The following KCNH1 variants were observed in gnomAD, a reference collection of about 807,000 sequenced individuals.
KCNH1 encodes the protein potassium voltage-gated channel subfamily H member 1.
In KCNH1, 27 loss-of-function variants were observed where a neutral mutation model predicts 69.2. The ratio of observed to expected loss-of-function variants is 0.39; its 90% CI spans 0.29 to 0.54. The LOEUF (loss-of-function observed/expected upper bound fraction) is 0.54. KCNH1 is among the 20% of genes least tolerant of loss of function. The pLI, the probability that KCNH1 is intolerant of heterozygous loss-of-function variation, is 0.68. For synonymous variants in KCNH1, 456 were observed against 487.7 expected, an observed-to-expected ratio of 0.93 and a Z score of 0.86; for missense variants, 798 against 1,261.6, an observed-to-expected ratio of 0.63 and a Z score of 5.57.
At chr1:211,106,488 A>C (rs1691349864) in intron 2 of KCNH1, among the ~76,000 whole-genome samples, 1 of 152,082 alleles carries the variant, frequency 6.6e-6, no homozygotes, top group Non-Finnish European at 1.5e-5. Context: ...TTCTGAAGTA[A>C]AAAACTTTGG....
intron 1 of KCNH1, among the ~76,000 whole-genome samples, chr1:211,128,629 A>G (rs1691826337): frequency 6.6e-6 from 1 of 152,176 alleles, no homozygotes; most frequent in Admixed American, 6.5e-5. Flanking sequence ...GGCATACAGT[A>G]TCACTTTATA....
chr1:210,960,991 T>C (rs1688281495), intron 6 of KCNH1, among the ~76,000 whole-genome samples: 1 of 152,200 alleles, frequency 6.6e-6, no homozygotes, highest in Non-Finnish European at 1.5e-5. Context: ...TGATAACTAA[T>C]TGATGCTGAG....
intron 1 of KCNH1, among the ~76,000 whole-genome samples, chr1:211,113,717 G>A (rs1447828897): frequency 1.3e-5 from 2 of 152,140 alleles, no homozygotes; most frequent in Non-Finnish European, 2.9e-5. Flanking sequence ...CATGGAGTCT[G>A]GAAAGAATCC....
chr1:210,822,808 A>G (rs1413094495), intron 7 of KCNH1, among the ~76,000 whole-genome samples: 2 of 152,134 alleles, frequency 1.3e-5, no homozygotes, highest in Non-Finnish European at 2.9e-5. Context: ...AGTCTCTCCA[A>G]GGTTCTCCTC....
intron 10 of KCNH1, among the ~76,000 whole-genome samples, chr1:210,719,117 A>AAATT (rs1379787825): frequency 1.3e-5 from 2 of 152,176 alleles, no homozygotes; most frequent in African/African-American, 4.8e-5. Flanking sequence ...AAATTAAATA[A>AAATT]AATTAACAAG....
intron 5 of KCNH1, among the ~76,000 whole-genome samples, chr1:211,025,943 C>G (rs1689675002): frequency 6.6e-6 from 1 of 152,176 alleles, no homozygotes; most frequent in South Asian, 2.1e-4. Flanking sequence ...TTTGTTTGAT[C>G]ACCAATAGTC....
chr1:210,938,331 C>T (rs892030342), intron 6 of KCNH1, among the ~76,000 whole-genome samples: 9 of 152,108 alleles, frequency 5.9e-5, no homozygotes, highest in African/African-American at 1.7e-4. Flanking sequence ...TAGAAACACA[C>T]GTTAAATACT....
At chr1:210,721,270 C>G (rs1682447398) in intron 10 of KCNH1, among the ~76,000 whole-genome samples, 1 of 152,140 alleles carries the variant, frequency 6.6e-6, no homozygotes, top group South Asian at 2.1e-4. Context: ...ACCTGCATAA[C>G]CCAGGCCCTA....
chr1:210,839,858 CT>C (rs1685368296), intron 7 of KCNH1, among the ~76,000 whole-genome samples: 1 of 152,178 alleles, frequency 6.6e-6, no homozygotes, highest in Non-Finnish European at 1.5e-5. Context: ...CCTTAGCATT[CT>C]TAAGTTGGAT....
intron 7 of KCNH1, among the ~76,000 whole-genome samples, chr1:210,874,881 A>G (rs981504605): frequency 1.3e-5 from 2 of 152,200 alleles, no homozygotes; most frequent in Non-Finnish European, 2.9e-5. Context: ...AGGGTTACGT[A>G]TATCTCCAAA....
At position 210,850,371 on chromosome 1, in the gene KCNH1, C is replaced by T. The variant is rs143660094; in HGVS notation, c.1463-46205G>A. On this transcript the variant is annotated intron_variant, in intron 7 of 10. Transcript: ENST00000271751. The stretch of plus-strand genomic sequence containing the variant: ...AAAATACCAAAAAAAAGTAGCTGGG[C>T]GTGGTGGCGCGCACCTGTAGCTCCA... Among the ~76,000 whole-genome samples, 622 of 151,986 alleles carry T rather than the reference C, an allele frequency of 4.1e-3. 8 individuals carry two copies. The highest frequency in any genetic ancestry group is 5.5e-3 in the Non-Finnish European group (371 of 67,944).
Position 210,797,523 on chromosome 1 carries a change from C to A in KCNH1, c.1900G>T (p.Val634Leu). The change falls in exon 9 of 11, where the codon GTG becomes TTG. Residue 634 changes from valine (V) to leucine (L), a missense_variant. Around this residue, in one of 4 missense-constraint regions of KCNH1, gnomAD observed 197 missense variants for 407.7 expected, o/e 0.48. Transcript: ENST00000271751. ...CAACACCTACCTAGAATGGCCACCA[C>A]CTCATCATCTTGGATCACCTCCAGG... ...GSLEVIQDDE[V>L]VAILGKGDVF... The A allele has an allele frequency of 6.2e-7, 1 of 1,614,178 alleles. No homozygotes were observed. Among genetic ancestry groups the A allele is most frequent in the Non-Finnish European group, 8.5e-7 (1 of 1,180,010 alleles).
chr1:210,742,175 A>G (rs2149037555), intron 10 of KCNH1, among the ~76,000 whole-genome samples: 1 of 152,360 alleles, frequency 6.6e-6, no homozygotes. Flanking sequence ...ACAACAGGTC[A>G]AATCTAGTCA....
chr1:210,857,643 G>C (rs1052239192), intron 7 of KCNH1, among the ~76,000 whole-genome samples: 6 of 152,134 alleles, frequency 3.9e-5, no homozygotes, highest in African/African-American at 1.4e-4. Flanking sequence ...TATAGTTATA[G>C]ATTTTCTCAT....
intron 10 of KCNH1, among the ~76,000 whole-genome samples, chr1:210,766,129 G>T (rs2102357920): frequency 6.6e-6 from 1 of 152,232 alleles, no homozygotes; most frequent in South Asian, 2.1e-4. Context: ...AATATTGGTT[G>T]GTAGATTTGT....
At chr1:211,130,537 A>G (rs1226157016) in intron 1 of KCNH1, among the ~76,000 whole-genome samples, 1 of 152,226 alleles carries the variant, frequency 6.6e-6, no homozygotes, top group African/African-American at 2.4e-5. Context: ...TTCCATAAAT[A>G]CATTCAATAA....
intron 7 of KCNH1, among the ~76,000 whole-genome samples, chr1:210,810,056 C>G (rs556356484): frequency 6.6e-6 from 1 of 152,152 alleles, no homozygotes; most frequent in Non-Finnish European, 1.5e-5. Context: ...TCTTCCTCTT[C>G]CTTGGTTTAC....
intron 5 of KCNH1, 87 bp downstream of exon 5, chr1:211,082,693 T>C (rs761370709): frequency 3.6e-5 from 38 of 1,051,240 alleles, no homozygotes; most frequent in Non-Finnish European, 4.7e-5. Flanking sequence ...GTCCTCTCCA[T>C]GATTAGCACA....
At chr1:210,689,762 T>G (rs1574182987) in intron 10 of KCNH1, among the ~76,000 whole-genome samples, 1 of 152,358 alleles carries the variant, frequency 6.6e-6, no homozygotes, top group South Asian at 2.1e-4. Flanking sequence ...TTGTATCAGA[T>G]CAATGGTTCT....
Sources: allele counts gnomAD v4.1 joint callset (sites outside exome capture counted in the v4.1 genomes callset), GRCh38; gene constraint gnomAD v4.1.1; regional missense constraint gnomAD v4.1.1; transcripts MANE v1.5; gene names NCBI Gene and HGNC (gene_info 2026-07-23, HGNC 2026-07-21).